The following HDGFL2 variants were observed in gnomAD, a reference collection of about 807,000 sequenced individuals.
The protein encoded by HDGFL2 is HDGF like 2, also known as hepatoma-derived growth factor-related protein 2.
A neutral mutation model predicts 77.1 loss-of-function variants in HDGFL2; 36 were observed. That is an observed-to-expected ratio of 0.47 (90% CI 0.36 to 0.62). The LOEUF (loss-of-function observed/expected upper bound fraction) is 0.62. HDGFL2 is among the 20% of genes least tolerant of loss of function. The pLI, the probability that HDGFL2 is intolerant of heterozygous loss-of-function variation, is 0.00. For missense variants in HDGFL2, 976 were observed against 973.4 expected (o/e 1.00, Z -0.04); for synonymous variants, 463 against 413.1 (o/e 1.12, Z -1.46).
At chr19:4,490,804 T>TC (rs1324278315) in intron 4 of HDGFL2, among the ~76,000 whole-genome samples, 2 of 105,116 alleles carry the variant, frequency 1.9e-5, no homozygotes, top group Admixed American at 1.0e-4. Context: ...TTCTTTTTTT[T>TC]CTCTTTTTTT....
At chr19:4,497,382 A>G (rs1164031596) in intron 10 of HDGFL2, 1 of 330,998 alleles carries the variant, frequency 3.0e-6, no homozygotes, top group Non-Finnish European at 5.9e-6. Flanking sequence ...TATTTTTAGT[A>G]GAGACGGGGC....
chr19:4,499,782 A>AG, intron 14 of HDGFL2, 78 bp downstream of exon 14: 1 of 1,145,174 alleles, frequency 8.7e-7, no homozygotes, highest in Non-Finnish European at 1.2e-6. Flanking sequence ...ACATTCCAGA[A>AG]GGGGAGTACA....
At chr19:4,485,919 G>T (rs1488779097) in intron 3 of HDGFL2, among the ~76,000 whole-genome samples, 1 of 147,676 alleles carries the variant, frequency 6.8e-6, no homozygotes, top group Admixed American at 6.8e-5. Context: ...CAGGTGTGGT[G>T]GTGCAAACCT....
intron 10 of HDGFL2, among the ~76,000 whole-genome samples, chr19:4,496,622 G>T (rs1270313796): frequency 6.6e-6 from 1 of 152,106 alleles, no homozygotes; most frequent in African/African-American, 2.4e-5. Context: ...GGGCGATCCC[G>T]CCTCCAGAGA....
chr19:4,498,418 C>A, intron 12 of HDGFL2, 42 bp downstream of exon 12: 1 of 1,475,102 alleles, frequency 6.8e-7, no homozygotes, highest in Non-Finnish European at 9.5e-7. Flanking sequence ...TCCCCGCTGC[C>A]ACCTCCCTGC....
At chr19:4,482,608 G>A (rs939270359) in intron 3 of HDGFL2, among the ~76,000 whole-genome samples, 22 of 152,180 alleles carry the variant, frequency 1.4e-4, no homozygotes, top group Non-Finnish European at 8.8e-5. Context: ...AATTTGCCGG[G>A]ATTACAGGAG....
intron 6 of HDGFL2, among the ~76,000 whole-genome samples, chr19:4,493,090 C>CTGTG (rs143683103): frequency 0.83 from 103,056 of 124,790 alleles, 41,787 homozygotes; most frequent in East Asian, 0.9. Context: ...TGTGTGTTAT[C>CTGTG]TGTGTGGTGT....
chr19:4,494,371 C>G lies in HDGFL2; in HGVS notation c.1120C>G (p.Leu374Val), dbSNP rs768192749. The G allele has an allele frequency of 7.1e-7, 1 of 1,403,604 alleles. No individual in the cohort carries two copies. The highest frequency in any genetic ancestry group is 9.2e-7 in the Non-Finnish European group (1 of 1,083,704). 86.9% of individuals were successfully genotyped at this position (1,403,604 alleles called of 1,614,324 possible). A position where few individuals can be genotyped will look rare whatever the true frequency, so the allele number is the denominator to read the frequency against. ...CAGCGGCGGCAGCAGCGGGGACGAG[C>G]TCAGGGAGGACGATGAGCCCGTCAA... ...RGSGGSSGDE[L>V]REDDEPVKKR... Residue 374 changes from leucine (L) to valine (V), a missense_variant, in exon 9 of 16, where the codon CTC (leucine) becomes GTC (valine). Coordinates refer to ENST00000616600, the MANE Select transcript of HDGFL2 (RefSeq NM_001001520.3).
intron 9 of HDGFL2, among the ~76,000 whole-genome samples, chr19:4,495,373 G>A (rs970801965): frequency 3.9e-4 from 44 of 113,946 alleles, no homozygotes; most frequent in African/African-American, 1.3e-3. Flanking sequence ...GGGCCAGAGC[G>A]AGACTCCATC....
At chr19:4,500,454 T>A (rs1226087682) in intron 14 of HDGFL2, among the ~76,000 whole-genome samples, 1 of 3,898 alleles carries the variant, frequency 2.6e-4, no homozygotes, top group South Asian at 2.5e-3. Flanking sequence ...CCCTGCTAAT[T>A]TTTTTTTTTT....
chr19:4,493,607 G>C (rs773959128), intron 6 of HDGFL2, 96 bp from the exon 7 acceptor site: 64 of 1,287,862 alleles, frequency 5.0e-5, no homozygotes, highest in Non-Finnish European at 5.9e-5. Flanking sequence ...GCAGAGCCTG[G>C]CGGCTGCAGG....
chr19:4,487,198 C>T (rs1411306849), intron 3 of HDGFL2, among the ~76,000 whole-genome samples: 1 of 152,082 alleles, frequency 6.6e-6, no homozygotes, highest in Non-Finnish European at 1.5e-5. Context: ...AAACTCCTGA[C>T]CTCGTGTTCC....
intron 6 of HDGFL2, among the ~76,000 whole-genome samples, chr19:4,493,367 C>T (rs1381728306): frequency 6.7e-6 from 1 of 150,364 alleles, no homozygotes; most frequent in Non-Finnish European, 1.5e-5. Context: ...GGCGGTAGAG[C>T]ACGGCAGCTT....
intron 3 of HDGFL2, among the ~76,000 whole-genome samples, chr19:4,484,615 T>G (rs1975311653): frequency 6.7e-6 from 1 of 149,082 alleles, no homozygotes; most frequent in Admixed American, 6.7e-5. Context: ...TTCTCCTGCC[T>G]CAGCCTCCTG....
intron 1 of HDGFL2, among the ~76,000 whole-genome samples, chr19:4,474,698 C>G (rs117511760): frequency 0.026 from 3,910 of 152,264 alleles, 72 homozygotes; most frequent in Non-Finnish European, 0.039. Context: ...CCCCGTCCCC[C>G]CTTCTCCAGC....
chr19:4,489,561 G>T (rs146253298), intron 4 of HDGFL2, among the ~76,000 whole-genome samples: 1 of 151,950 alleles, frequency 6.6e-6, no homozygotes, highest in Non-Finnish European at 1.5e-5. Flanking sequence ...CCACCACCAC[G>T]CCCGGCTAAT....
chr19:4,487,420 C>CTAA (rs1975391205), intron 3 of HDGFL2, among the ~76,000 whole-genome samples: 1 of 152,008 alleles, frequency 6.6e-6, no homozygotes, highest in South Asian at 2.1e-4. Flanking sequence ...CCACACCTTG[C>CTAA]TAATATGTGC....
chr19:4,500,934 C>T (rs796526298), intron 14 of HDGFL2, among the ~76,000 whole-genome samples: 28 of 152,294 alleles, frequency 1.8e-4, no homozygotes, highest in African/African-American at 6.7e-4. Context: ...CTGCTGTGGG[C>T]TTTTCTCAGG....
At chr19:4,488,181 G>T (rs1216663466) in intron 3 of HDGFL2, among the ~76,000 whole-genome samples, 1 of 152,190 alleles carries the variant, frequency 6.6e-6, no homozygotes, top group African/African-American at 2.4e-5. Flanking sequence ...ATGTTGGCCA[G>T]GTTGGTCTCG....
Sources: allele counts gnomAD v4.1 joint callset (sites outside exome capture counted in the v4.1 genomes callset), GRCh38; gene constraint gnomAD v4.1.1; transcripts MANE v1.5; gene names NCBI Gene and HGNC (gene_info 2026-07-23, HGNC 2026-07-21).